The following ADGRG6 variants were observed in gnomAD, a reference collection of about 807,000 sequenced individuals.
The protein encoded by ADGRG6 is adhesion G protein-coupled receptor G6, also known as G-protein coupled receptor 126.
In ADGRG6, 84 loss-of-function variants were observed where a neutral mutation model predicts 142.4. That is an observed-to-expected ratio of 0.59 (90% CI 0.49 to 0.71). ADGRG6 has a LOEUF of 0.71. ADGRG6 is among the 30% of genes least tolerant of loss of function. The pLI, the probability that ADGRG6 is intolerant of heterozygous loss-of-function variation, is 0.00. For missense variants in ADGRG6, 1,367 were observed against 1,466.6 expected, an observed-to-expected ratio of 0.93 and a Z score of 1.11; for synonymous variants, 521 against 520.5, an observed-to-expected ratio of 1.00 and a Z score of -0.01.
At chr6:142,434,493 T>A (rs2115178816) in intron 22 of ADGRG6, among the ~76,000 whole-genome samples, 1 of 151,984 alleles carries the variant, frequency 6.6e-6, no homozygotes, top group Non-Finnish European at 1.5e-5. Flanking sequence ...TCCGGCTAAT[T>A]TTTTGTGTTT....
chr6:142,366,364 A>G (rs1236756724), intron 2 of ADGRG6, among the ~76,000 whole-genome samples: 2 of 152,142 alleles, frequency 1.3e-5, no homozygotes, highest in African/African-American at 4.8e-5. Context: ...GTTCATTTAC[A>G]ATGGGTCTTA....
Position 142,416,079 on chromosome 6 carries a change from A to AT in ADGRG6, c.2938+22dup. 2 of 1,581,842 alleles carry AT rather than the reference A, an allele frequency of 1.3e-6. No individual in the cohort carries two copies. The highest frequency in any genetic ancestry group is 2.3e-5 in the East Asian group (1 of 44,402). On this transcript the variant is annotated intron_variant, in intron 20 of 24. Coordinates refer to ENST00000367609, the MANE Select transcript of ADGRG6 (RefSeq NM_198569.3). ...CATTGGCTGGGGTAAGCCTCTTAAA[A>AT]TTTTTTTGGTTTTGTTTTTCCCTCA...
At chr6:142,348,507 C>T (rs2114759983) in intron 2 of ADGRG6, among the ~76,000 whole-genome samples, 1 of 152,240 alleles carries the variant, frequency 6.6e-6, no homozygotes, top group African/African-American at 2.4e-5. Flanking sequence ...TTCCTGACAT[C>T]ATTTGGAAAT....
intron 7 of ADGRG6, 66 bp from the exon 8 acceptor site, chr6:142,392,882 G>C: frequency 1.9e-6 from 2 of 1,057,452 alleles, no homozygotes. Flanking sequence ...GTTTTAGGTA[G>C]AAACTTGAAT....
chr6:142,316,441 CA>C (rs1778073928), intron 2 of ADGRG6, among the ~76,000 whole-genome samples: 1 of 152,006 alleles, frequency 6.6e-6, no homozygotes, highest in Admixed American at 6.6e-5. Context: ...TTTTTGCAAA[CA>C]GAAGGATCTT....
In ADGRG6 at chr6:142,370,363, C is replaced by T; in HGVS notation, c.639C>T (p.Leu213=). Residue 213 remains leucine, a synonymous_variant, in exon 4 of 25, where the codon CTC becomes CTT. Coordinates refer to ENST00000367609, the MANE Select transcript of ADGRG6 (RefSeq NM_198569.3). ...CAAATGCATCCTTCACACAATTGCT[C>T]AGTTTTGGAAAGGCCAAGAGTGGCT... The part of the protein sequence containing the change: ...SYSNASFTQL[L]SFGKAKSGYF... 3 of 1,613,488 alleles carry T rather than the reference C, an allele frequency of 1.9e-6. No homozygotes were observed. Among genetic ancestry groups the T allele is most frequent in the Non-Finnish European group, 2.5e-6 (3 of 1,179,486 alleles).
At chr6:142,405,572 C>T in intron 14 of ADGRG6, 116 bp from the exon 15 acceptor site, 7 of 788,702 alleles carry the variant, frequency 8.9e-6, no homozygotes, top group Non-Finnish European at 1.5e-5. Context: ...AAGGGAAGTC[C>T]TGGTACTGGC....
Position 142,432,683 on chromosome 6 carries a change from T to TA in ADGRG6, c.3320-4745dup, listed in dbSNP as rs530090676. On this transcript the variant is annotated intron_variant, in intron 22 of 24. Transcript: ENST00000367609. ...TGATATAGGGCAGCACTATACAATC[T>TA]AAAAAATTGTTTTATTAAGTCAGTC... 5.9e-4 allele frequency among the ~76,000 whole-genome samples: 90 copies of TA among 152,318 alleles called. 1 individual carries two copies. The highest frequency in any genetic ancestry group is 1.2e-3 in the Non-Finnish European group (84 of 68,020).
intron 2 of ADGRG6, among the ~76,000 whole-genome samples, chr6:142,346,128 G>A (rs1779888610): frequency 6.6e-6 from 1 of 152,016 alleles, no homozygotes. Flanking sequence ...CTTACTAAAG[G>A]TATTCCTCAC....
chr6:142,364,021 T>C (rs1780834556), intron 2 of ADGRG6, among the ~76,000 whole-genome samples: 2 of 150,802 alleles, frequency 1.3e-5, no homozygotes, highest in African/African-American at 2.4e-5. Context: ...TTTTTTTTTT[T>C]CCTTAGAAGG....
At chr6:142,411,752 G>A (rs1019545985) in intron 18 of ADGRG6, among the ~76,000 whole-genome samples, 19 of 152,208 alleles carry the variant, frequency 1.2e-4, no homozygotes, top group Middle Eastern at 3.4e-3. Context: ...AGGAGGGAGA[G>A]AAAGTTAAAG....
intron 2 of ADGRG6, among the ~76,000 whole-genome samples, chr6:142,342,178 A>G (rs1779689877): frequency 6.6e-6 from 1 of 152,058 alleles, no homozygotes; most frequent in Non-Finnish European, 1.5e-5. Flanking sequence ...AGATACAGCA[A>G]ATGGAAAGAG....
intron 24 of ADGRG6, chr6:142,440,757 C>T (rs1777719913): frequency 1.8e-6 from 1 of 554,808 alleles, no homozygotes; most frequent in Non-Finnish European, 3.2e-6. Flanking sequence ...ACTGACTTCA[C>T]ATAGGCTTTG....
intron 17 of ADGRG6, 86 bp downstream of exon 17, chr6:142,410,005 C>A: frequency 3.5e-6 from 2 of 565,988 alleles, no homozygotes; most frequent in South Asian, 5.6e-5. Flanking sequence ...TTTAATTCCA[C>A]CCCAAACCAG....
chr6:142,425,606 G>T (rs1318244048), intron 22 of ADGRG6, among the ~76,000 whole-genome samples: 1 of 152,128 alleles, frequency 6.6e-6, no homozygotes, highest in African/African-American at 2.4e-5. Context: ...TTGCAGGGAG[G>T]CACCTTAAAG....
chr6:142,404,081 C>T, intron 14 of ADGRG6, 108 bp downstream of exon 14: 1 of 819,668 alleles, frequency 1.2e-6, no homozygotes, highest in South Asian at 1.4e-5. Flanking sequence ...CATGAAGTGG[C>T]AAGGTCTGAA....
intron 2 of ADGRG6, among the ~76,000 whole-genome samples, chr6:142,362,292 G>C (rs1480944631): frequency 1.3e-5 from 2 of 152,162 alleles, no homozygotes; most frequent in Admixed American, 6.5e-5. Context: ...CGTTGAAGTA[G>C]CTCCTTATTC....
intron 7 of ADGRG6, among the ~76,000 whole-genome samples, chr6:142,390,645 C>A (rs1183750146): frequency 6.6e-6 from 1 of 151,766 alleles, no homozygotes; most frequent in Non-Finnish European, 1.5e-5. Flanking sequence ...CATGTATTTT[C>A]TGCTATATTT....
chr6:142,324,084 T>G (rs1778647285), intron 2 of ADGRG6, among the ~76,000 whole-genome samples: 1 of 152,108 alleles, frequency 6.6e-6, no homozygotes, highest in Non-Finnish European at 1.5e-5. Context: ...CATTGCTAAA[T>G]ATGAGAGCAT....
Sources: allele counts gnomAD v4.1 joint callset (sites outside exome capture counted in the v4.1 genomes callset), GRCh38; gene constraint gnomAD v4.1.1; transcripts MANE v1.5; gene names NCBI Gene and HGNC (gene_info 2026-07-23, HGNC 2026-07-21).